TMEM117: variants seen among roughly 807,000 people sequenced by gnomAD.
TMEM117 encodes transmembrane protein 117.
In TMEM117, 27 loss-of-function variants were observed where a neutral mutation model predicts 52.4. The ratio of observed to expected loss-of-function variants is 0.51; its 90% CI spans 0.38 to 0.71. TMEM117 has a LOEUF of 0.71. TMEM117 is among the 30% of genes least tolerant of loss of function. TMEM117 has a pLI of 0.00. For synonymous variants in TMEM117, 215 were observed against 206.3 expected, an observed-to-expected ratio of 1.04 and a Z score of -0.36; for missense variants, 556 against 630.5, an observed-to-expected ratio of 0.88 and a Z score of 1.26.
chr12:44,176,116 T>C (rs545818258), intron 4 of TMEM117, among the ~76,000 whole-genome samples: 9 of 152,334 alleles, frequency 5.9e-5, no homozygotes, highest in Non-Finnish European at 1.0e-4. Flanking sequence ...CTTCTACATA[T>C]TTCAAAATTT....
chr12:44,091,919 G>A (rs1160960745), intron 3 of TMEM117, among the ~76,000 whole-genome samples: 1 of 152,118 alleles, frequency 6.6e-6, no homozygotes, highest in East Asian at 1.9e-4. Context: ...TATGTTAGCT[G>A]TTCATTTCAA....
chr12:44,272,249 TAA>T (rs1382499357), intron 5 of TMEM117, among the ~76,000 whole-genome samples: 2 of 152,028 alleles, frequency 1.3e-5, no homozygotes, highest in Non-Finnish European at 2.9e-5. Context: ...AAAGCCATAA[TAA>T]AAGTCTCCCC....
intron 2 of TMEM117, among the ~76,000 whole-genome samples, chr12:43,870,019 G>A (rs201143668): frequency 6.6e-6 from 1 of 152,116 alleles, no homozygotes; most frequent in East Asian, 1.9e-4. Context: ...AGAACATGTG[G>A]TATTTGGTTT....
At chr12:44,140,131 T>A (rs556997785) in intron 3 of TMEM117, among the ~76,000 whole-genome samples, 1 of 152,304 alleles carries the variant, frequency 6.6e-6, no homozygotes, top group East Asian at 1.9e-4. Context: ...CATCTAGCAC[T>A]TATCATATGT....
At chr12:43,904,506 T>G (rs941499764) in intron 2 of TMEM117, among the ~76,000 whole-genome samples, 5 of 152,222 alleles carry the variant, frequency 3.3e-5, no homozygotes, top group African/African-American at 1.2e-4. Flanking sequence ...GCAGTCTTTC[T>G]CCTGAGGCCC....
chr12:43,820,968 G>A, the TMEM117 span, among the ~76,000 whole-genome samples: 3 of 151,744 alleles, frequency 2.0e-5, no homozygotes, highest in Admixed American at 6.6e-5. Flanking sequence ...GTTGGCGGAC[G>A]CCTCCAGTCC....
intron 3 of TMEM117, among the ~76,000 whole-genome samples, chr12:44,107,201 G>A (rs1185051983): frequency 6.6e-6 from 1 of 151,998 alleles, no homozygotes; most frequent in African/African-American, 2.4e-5. Flanking sequence ...TAAGAAAATT[G>A]AAGTTAAAAA....
At chr12:44,293,755 A>G (rs556629723) in intron 5 of TMEM117, among the ~76,000 whole-genome samples, 1 of 152,264 alleles carries the variant, frequency 6.6e-6, no homozygotes, top group Admixed American at 6.5e-5. Context: ...TATATTGTAT[A>G]TCTTTAACAA....
chr12:44,031,162 T>G (rs1946627073), intron 3 of TMEM117, among the ~76,000 whole-genome samples: 2 of 152,186 alleles, frequency 1.3e-5, no homozygotes, highest in Admixed American at 6.5e-5. Context: ...TGTAAAATAG[T>G]GTTTGCTTTC....
chr12:44,385,187 C>G (rs1262409968), intron 7 of TMEM117, among the ~76,000 whole-genome samples: 2 of 152,110 alleles, frequency 1.3e-5, no homozygotes, highest in African/African-American at 4.8e-5. Flanking sequence ...ATGGTGCTCC[C>G]TTTTACAAAC....
chr12:43,960,165 G>A (rs186055750), intron 3 of TMEM117, among the ~76,000 whole-genome samples: 4 of 152,284 alleles, frequency 2.6e-5, no homozygotes, highest in Admixed American at 1.3e-4. Flanking sequence ...CACAATAATA[G>A]CACAATTAAT....
chr12:44,331,961 T>C (rs774127163), intron 6 of TMEM117, among the ~76,000 whole-genome samples: 6 of 152,066 alleles, frequency 3.9e-5, no homozygotes, highest in Non-Finnish European at 8.8e-5. Context: ...TTTAATTAAT[T>C]AAGATAAGAT....
chr12:44,174,133 ATAATC>A (rs1257930837), intron 4 of TMEM117, among the ~76,000 whole-genome samples: 2 of 152,194 alleles, frequency 1.3e-5, no homozygotes, highest in Non-Finnish European at 2.9e-5. Context: ...TCTTGACACT[ATAATC>A]TAAGCATATT....
At chr12:44,063,252 T>C (rs550441344) in intron 3 of TMEM117, among the ~76,000 whole-genome samples, 1 of 152,344 alleles carries the variant, frequency 6.6e-6, no homozygotes, top group African/African-American at 2.4e-5. Flanking sequence ...AGAAGATGTT[T>C]TCAAAGAGTA....
rs1339240379 is a variant in TMEM117 at position 44,152,318 on chromosome 12, CAT to C, written c.510+8698_510+8699del. ...TTATAATATTTATATATAATCATAT[CAT>C]ATAAATATATATATTATATATAAAT... On this transcript the variant is annotated intron_variant, in intron 4 of 7. Transcript: ENST00000266534. Among the ~76,000 whole-genome samples the C allele has an allele frequency of 2.6e-4, 26 of 99,150 alleles. No homozygotes were observed. In the Admixed American group the frequency reaches 2.7e-3, roughly 10 times the overall value. 65.0% of individuals were successfully genotyped at this position (99,150 alleles called of 152,430 possible).
chr12:44,276,595 C>G (rs1303737169), intron 5 of TMEM117, among the ~76,000 whole-genome samples: 1 of 151,986 alleles, frequency 6.6e-6, no homozygotes, highest in African/African-American at 2.4e-5. Context: ...GTTAATAACA[C>G]TATGTTGTAT....
chr12:44,187,748 T>A (rs1027630593), intron 4 of TMEM117, among the ~76,000 whole-genome samples: 1 of 152,160 alleles, frequency 6.6e-6, no homozygotes, highest in African/African-American at 2.4e-5. Flanking sequence ...GTATTTGTTT[T>A]TTTAGATGGC....
intron 3 of TMEM117, among the ~76,000 whole-genome samples, chr12:44,054,463 G>A (rs1021430117): frequency 3.9e-5 from 6 of 152,200 alleles, no homozygotes; most frequent in Admixed American, 1.3e-4. Flanking sequence ...CTGTGTCACA[G>A]TGTTAGTTAT....
At chr12:44,106,842 A>G (rs1947963984) in intron 3 of TMEM117, among the ~76,000 whole-genome samples, 1 of 151,920 alleles carries the variant, frequency 6.6e-6, no homozygotes, top group South Asian at 2.1e-4. Context: ...TTTCTTTCTT[A>G]TTTTTGAGCT....
Sources: allele counts gnomAD v4.1 joint callset (sites outside exome capture counted in the v4.1 genomes callset), GRCh38; gene constraint gnomAD v4.1.1; transcripts MANE v1.5; gene names NCBI Gene and HGNC (gene_info 2026-07-23, HGNC 2026-07-21).